SNTG1: variants seen among roughly 807,000 people sequenced by gnomAD.
SNTG1 encodes the protein syntrophin gamma 1.
SNTG1 carries 39 observed loss-of-function variants against 74.7 expected under a neutral mutation model. The observed-to-expected ratio is 0.52, with a 90% CI of 0.40 to 0.68. SNTG1 has a LOEUF of 0.68. SNTG1 is among the 30% of genes least tolerant of loss of function. The pLI is 0.00. For missense variants in SNTG1, 685 were observed against 609.5 expected (o/e 1.12, Z -1.30); for synonymous variants, 254 against 217.1 (o/e 1.17, Z -1.49).
intron 1 of SNTG1, among the ~76,000 whole-genome samples, chr8:50,148,171 T>C (rs957983070): frequency 6.6e-6 from 1 of 152,088 alleles, no homozygotes; most frequent in South Asian, 2.1e-4. Context: ...CTATATTAAA[T>C]ATAAAATAAA....
intron 18 of SNTG1, among the ~76,000 whole-genome samples, chr8:50,768,178 G>C (rs917907706): frequency 6.6e-6 from 1 of 151,876 alleles, no homozygotes; most frequent in Non-Finnish European, 1.5e-5. Flanking sequence ...CATCATAAGA[G>C]AAATTTTCAA....
At chr8:50,548,650 G>A (rs904239682) in intron 11 of SNTG1, among the ~76,000 whole-genome samples, 3 of 152,030 alleles carry the variant, frequency 2.0e-5, no homozygotes, top group Non-Finnish European at 4.4e-5. Context: ...AGTATTTAGC[G>A]CTACACAAAC....
chr8:50,065,659 T>C (rs558553642), intron 1 of SNTG1, among the ~76,000 whole-genome samples: 1 of 152,312 alleles, frequency 6.6e-6, no homozygotes. Flanking sequence ...ATTTAACCAC[T>C]GATCCAACAG....
intron 15 of SNTG1, among the ~76,000 whole-genome samples, chr8:50,680,000 G>A (rs1419566339): frequency 2.0e-5 from 3 of 152,106 alleles, no homozygotes; most frequent in Admixed American, 6.6e-5. Flanking sequence ...GCCTTCTGTT[G>A]CATGGAATCA....
At chr8:50,017,709 T>C (rs749616994) in intron 1 of SNTG1, among the ~76,000 whole-genome samples, 3 of 151,876 alleles carry the variant, frequency 2.0e-5, no homozygotes, top group Non-Finnish European at 4.4e-5. Flanking sequence ...ATGGAAGATA[T>C]ATGATTATAA....
At chr8:50,327,285 G>A (rs531071030) in intron 2 of SNTG1, among the ~76,000 whole-genome samples, 16 of 152,152 alleles carry the variant, frequency 1.1e-4, no homozygotes, top group African/African-American at 3.1e-4. Context: ...AGATAATAGC[G>A]AATTCACCCT....
At chr8:50,376,748 T>TAGAGAG (rs1286528702) in intron 2 of SNTG1, among the ~76,000 whole-genome samples, 10 of 108,690 alleles carry the variant, frequency 9.2e-5, no homozygotes, top group Non-Finnish European at 1.4e-4. Context: ...TATATATATA[T>TAGAGAG]ATATATATAG....
intron 4 of SNTG1, among the ~76,000 whole-genome samples, chr8:50,434,611 G>T (rs190641739): frequency 6.6e-6 from 1 of 152,110 alleles, no homozygotes; most frequent in African/African-American, 2.4e-5. Context: ...TATCATTGTG[G>T]TTTTGATTTT....
intron 1 of SNTG1, among the ~76,000 whole-genome samples, chr8:49,957,222 A>G (rs1440162405): frequency 1.3e-5 from 2 of 152,186 alleles, no homozygotes; most frequent in Non-Finnish European, 2.9e-5. Context: ...GTCTTGTCTC[A>G]TTCTCACAGT....
At chr8:50,269,007 GC>G (rs2087632122) in intron 2 of SNTG1, among the ~76,000 whole-genome samples, 1 of 152,080 alleles carries the variant, frequency 6.6e-6, no homozygotes, top group Non-Finnish European at 1.5e-5. Flanking sequence ...AGGTAGGGTG[GC>G]CTTTTCACCA....
At chr8:50,383,432 T>C (rs1187156378) in intron 2 of SNTG1, among the ~76,000 whole-genome samples, 2 of 152,196 alleles carry the variant, frequency 1.3e-5, no homozygotes, top group Non-Finnish European at 1.5e-5. Flanking sequence ...TTGACATATA[T>C]TATACATATG....
chr8:50,746,133 A>C (rs1234149719), intron 17 of SNTG1, among the ~76,000 whole-genome samples: 1 of 152,042 alleles, frequency 6.6e-6, no homozygotes, highest in African/African-American at 2.4e-5. Context: ...AAGGAATTAT[A>C]GATAATGTAA....
intron 1 of SNTG1, among the ~76,000 whole-genome samples, chr8:50,139,377 C>T (rs919381613): frequency 6.6e-6 from 1 of 152,032 alleles, no homozygotes; most frequent in East Asian, 1.9e-4. Flanking sequence ...ACTTATTTGC[C>T]TAGGTAAACC....
intron 2 of SNTG1, among the ~76,000 whole-genome samples, chr8:50,328,149 G>A (rs75178824): frequency 0.05 from 7,520 of 151,844 alleles, 233 homozygotes; most frequent in Middle Eastern, 0.11. Flanking sequence ...ATGCAGATCC[G>A]AGTTTCTGAT....
chr8:49,977,765 C>T (rs913356009), intron 1 of SNTG1, among the ~76,000 whole-genome samples: 2 of 152,198 alleles, frequency 1.3e-5, no homozygotes, highest in African/African-American at 4.8e-5. Flanking sequence ...TCAATCCTGT[C>T]ATAGGCAGAA....
intron 1 of SNTG1, among the ~76,000 whole-genome samples, chr8:50,042,401 C>G (rs879734507): frequency 1.3e-5 from 2 of 152,210 alleles, no homozygotes; most frequent in Admixed American, 6.5e-5. Context: ...TAAAATAATT[C>G]TCATGAACTG....
In SNTG1 at chr8:50,348,520, G is replaced by A. The variant is rs1214374342; in HGVS notation, c.-27-45692G>A. Among the ~76,000 whole-genome samples the A allele has an allele frequency of 2.6e-5, 4 of 152,238 alleles. No homozygotes were observed. In the East Asian group the frequency reaches 7.7e-4, roughly 29 times the overall value. ...GCTACTCATATAAGTCATTTGACCT[G>A]GCTTTAATTTGGTCACCGCAAGGAG... On this transcript the variant is annotated intron_variant, in intron 2 of 18. Coordinates refer to ENST00000642720, the MANE Select transcript of SNTG1 (RefSeq NM_018967.5).
intron 1 of SNTG1, among the ~76,000 whole-genome samples, chr8:49,949,526 G>A (rs1809512916): frequency 1.3e-5 from 2 of 151,998 alleles, no homozygotes. Context: ...GAAATTATTT[G>A]GAGTGAACTT....
intron 2 of SNTG1, among the ~76,000 whole-genome samples, chr8:50,365,442 AAT>A (rs1411345909): frequency 1.3e-5 from 2 of 152,126 alleles, no homozygotes; most frequent in Middle Eastern, 3.2e-3. Context: ...TTTGAATTTG[AAT>A]ATATATACAT....
Sources: allele counts gnomAD v4.1 joint callset (sites outside exome capture counted in the v4.1 genomes callset), GRCh38; gene constraint gnomAD v4.1.1; transcripts MANE v1.5; gene names NCBI Gene and HGNC (gene_info 2026-07-23, HGNC 2026-07-21).